ULK4: variants seen among roughly 807,000 people sequenced by gnomAD.
ULK4 encodes inactive serine/threonine-protein kinase ULK4.
Under a neutral mutation model 160.6 loss-of-function variants are expected in ULK4, and 133 were observed. The observed-to-expected ratio is 0.83, with a 90% CI of 0.72 to 0.96. The LOEUF (loss-of-function observed/expected upper bound fraction) is 0.96. Among genes scored for constraint, ULK4 ranks in the 40% least tolerant of loss-of-function variants. ULK4 has a pLI of 0.00. For synonymous variants in ULK4, 534 were observed against 539.8 expected (o/e 0.99, Z 0.15); for missense variants, 1,580 against 1,499.5 (o/e 1.05, Z -0.89).
At chr3:41,550,925 T>A (rs1474297163) in intron 32 of ULK4, among the ~76,000 whole-genome samples, 5 of 152,022 alleles carry the variant, frequency 3.3e-5, no homozygotes, top group Non-Finnish European at 4.4e-5. Context: ...CAAAATCATA[T>A]CAACTATTTT....
At chr3:41,349,897 T>C (rs183224844) in intron 35 of ULK4, among the ~76,000 whole-genome samples, 2 of 152,322 alleles carry the variant, frequency 1.3e-5, no homozygotes, top group East Asian at 1.9e-4. Context: ...AGCACCACTA[T>C]GAAGGCCGCA....
At chr3:41,866,699 T>G (rs1462101092) in intron 17 of ULK4, among the ~76,000 whole-genome samples, 1 of 152,170 alleles carries the variant, frequency 6.6e-6, no homozygotes, top group Non-Finnish European at 1.5e-5. Context: ...TATGCGCTTG[T>G]GTATGTGTGA....
At chr3:41,399,966 C>T (rs1211563549) in intron 34 of ULK4, among the ~76,000 whole-genome samples, 1 of 152,118 alleles carries the variant, frequency 6.6e-6, no homozygotes, top group Non-Finnish European at 1.5e-5. Flanking sequence ...GTCTTCGATG[C>T]ATTTTGAGTT....
At chr3:41,504,947 T>A (rs2085327949) in intron 32 of ULK4, among the ~76,000 whole-genome samples, 1 of 152,108 alleles carries the variant, frequency 6.6e-6, no homozygotes, top group Non-Finnish European at 1.5e-5. Flanking sequence ...TAACTCTCAG[T>A]GTAGCTAAAC....
intron 34 of ULK4, among the ~76,000 whole-genome samples, chr3:41,422,505 A>G (rs2082684626): frequency 6.6e-6 from 1 of 152,150 alleles, no homozygotes; most frequent in South Asian, 2.1e-4. Flanking sequence ...TTGATAATTT[A>G]TACTTTTCTG....
chr3:41,900,762 G>C lies in ULK4; in HGVS notation c.1250C>G (p.Ser417Ter), dbSNP rs1264041151. The part of the protein sequence containing the change: ...SQMRELIYTD[S>*]DLVVTPIIDN... ...GATAATGGGGGTGACAACAAGATCT[G>C]AGTCCGTGTAGATAAGCTCTCTCAT... is the stretch of plus-strand genomic sequence containing the variant. The change falls in exon 13 of 37, where the codon TCA becomes TGA. Residue 417 changes from serine (S) to a stop codon, truncating the protein, a stop_gained. Transcript: ENST00000301831. LOFTEE classifies it high-confidence loss of function. 14 of 1,613,602 alleles carry C rather than the reference G, an allele frequency of 8.7e-6. No homozygotes were observed. Among genetic ancestry groups the C allele is most frequent in the Non-Finnish European group, 1.2e-5 (14 of 1,179,754 alleles).
At chr3:41,737,233 G>A (rs1044143507) in intron 22 of ULK4, among the ~76,000 whole-genome samples, 1 of 151,898 alleles carries the variant, frequency 6.6e-6, no homozygotes, top group Non-Finnish European at 1.5e-5. Context: ...GACAAACAGA[G>A]AGCCAAATCA....
At chr3:41,956,399 C>T (rs1227513833) in intron 1 of ULK4, among the ~76,000 whole-genome samples, 1 of 152,124 alleles carries the variant, frequency 6.6e-6, no homozygotes, top group Non-Finnish European at 1.5e-5. Context: ...GTGGAGTGTA[C>T]TTTCGTTTTC....
chr3:41,848,864 T>C (rs189185447), intron 17 of ULK4, among the ~76,000 whole-genome samples: 2 of 152,178 alleles, frequency 1.3e-5, no homozygotes, highest in Non-Finnish European at 2.9e-5. Context: ...AAGTAATAGA[T>C]AGTGCTGTCC....
intron 27 of ULK4, among the ~76,000 whole-genome samples, chr3:41,700,373 T>C (rs1239485005): frequency 6.6e-6 from 1 of 152,078 alleles, no homozygotes; most frequent in Non-Finnish European, 1.5e-5. Flanking sequence ...TACACAGAAA[T>C]GGGCACCTGA....
chr3:41,898,367 T>C (rs752690804), intron 14 of ULK4, 65 bp downstream of exon 14: 1 of 1,022,974 alleles, frequency 9.8e-7, no homozygotes, highest in Non-Finnish European at 1.4e-6. Flanking sequence ...TATTTGCAAA[T>C]AAATTTCATA....
At chr3:41,556,712 C>G (rs2087314877) in intron 32 of ULK4, among the ~76,000 whole-genome samples, 1 of 152,038 alleles carries the variant, frequency 6.6e-6, no homozygotes. Context: ...TGGTCTCCAT[C>G]TGCTGACCTC....
intron 18 of ULK4, among the ~76,000 whole-genome samples, chr3:41,831,532 T>TATATATATATATATA (rs577123829): frequency 9.5e-5 from 12 of 125,816 alleles, no homozygotes; most frequent in African/African-American, 3.2e-4. Context: ...TATATATATA[T>TATATATATATATATA]TTTTTTTTCT....
chr3:41,346,590 T>C (rs2125756631), intron 35 of ULK4, among the ~76,000 whole-genome samples: 1 of 152,270 alleles, frequency 6.6e-6, no homozygotes, highest in Non-Finnish European at 1.5e-5. Context: ...CTGAAAGGGG[T>C]ATGGAGAAAG....
intron 35 of ULK4, among the ~76,000 whole-genome samples, chr3:41,365,800 C>T (rs1448321176): frequency 6.6e-6 from 1 of 151,968 alleles, no homozygotes; most frequent in Admixed American, 6.6e-5. Flanking sequence ...TAAATTTCAC[C>T]TACCCCAATG....
intron 35 of ULK4, among the ~76,000 whole-genome samples, chr3:41,275,832 TCAACC>T: frequency 6.6e-6 from 1 of 152,232 alleles, no homozygotes; most frequent in Non-Finnish European, 1.5e-5. Flanking sequence ...CCAACTAAGA[TCAACC>T]CAGCTGCTGC....
chr3:41,639,091 G>A (rs537221403), intron 30 of ULK4, among the ~76,000 whole-genome samples: 5 of 152,146 alleles, frequency 3.3e-5, no homozygotes, highest in Non-Finnish European at 7.3e-5. Flanking sequence ...AAAGTACACT[G>A]ATCACATCAG....
chr3:41,632,735 CAAA>C (rs71616020), intron 30 of ULK4, among the ~76,000 whole-genome samples: 1 of 141,888 alleles, frequency 7.0e-6, no homozygotes, highest in South Asian at 2.2e-4. Context: ...TGGATTCTAA[CAAA>C]AAAAAAAAAA....
chr3:41,584,390 C>T (rs2030627170), intron 31 of ULK4, among the ~76,000 whole-genome samples: 1 of 152,078 alleles, frequency 6.6e-6, no homozygotes, highest in South Asian at 2.1e-4. Flanking sequence ...CTCCCAAGCT[C>T]AAGTGACCCC....
Sources: allele counts gnomAD v4.1 joint callset (sites outside exome capture counted in the v4.1 genomes callset), GRCh38; gene constraint gnomAD v4.1.1; transcripts MANE v1.5; gene names NCBI Gene and HGNC (gene_info 2026-07-23, HGNC 2026-07-21).